PPP2R3B: variants seen among roughly 807,000 people sequenced by gnomAD.
PPP2R3B encodes serine/threonine-protein phosphatase 2A regulatory subunit B'' subunit beta.
In PPP2R3B, 68 loss-of-function variants were observed where a neutral mutation model predicts 72.9. The ratio of observed to expected loss-of-function variants is 0.93; its 90% CI spans 0.77 to 1.14. The LOEUF (loss-of-function observed/expected upper bound fraction) is 1.14. Among genes scored for constraint, PPP2R3B ranks in the 50% most tolerant of loss-of-function variants. The pLI is 0.00. For missense variants in PPP2R3B, 1,018 were observed against 842.0 expected (o/e 1.21, Z -2.59); for synonymous variants, 466 against 375.8 (o/e 1.24, Z -2.78).
At chrX:376,521 A>G (rs1344778885) in intron 1 of PPP2R3B, among the ~76,000 whole-genome samples, 5 of 148,188 alleles carry the variant, frequency 3.4e-5, no homozygotes, top group Non-Finnish European at 1.5e-5. Flanking sequence ...TACTGTATGC[A>G]GGGACGGGCC....
intron 12 of PPP2R3B, chrX:336,322 G>A (rs760320814): frequency 1.1e-4 from 17 of 152,350 alleles, no homozygotes; most frequent in African/African-American, 3.6e-4. Flanking sequence ...GAGGAACCAC[G>A]GAGCGAAAGC....
At chrX:362,866 C>A (rs1218283831) in intron 1 of PPP2R3B, among the ~76,000 whole-genome samples, 1 of 151,940 alleles carries the variant, frequency 6.6e-6, no homozygotes, top group East Asian at 1.9e-4. Context: ...CCTGCTACTG[C>A]CACAGTATCC....
intron 1 of PPP2R3B, among the ~76,000 whole-genome samples, chrX:367,968 C>T (rs562287330): frequency 7.9e-5 from 12 of 152,336 alleles, no homozygotes; most frequent in African/African-American, 2.9e-4. Flanking sequence ...CACCAAGGAA[C>T]GCTGAAGAGG....
chrX:346,780 G>T lies in PPP2R3B; in HGVS notation c.718-5C>A. 6.2e-7 allele frequency: 1 copy of T among 1,608,366 alleles called. No homozygotes were observed. The highest frequency in any genetic ancestry group is 1.1e-5 in the South Asian group (1 of 90,736). On this transcript the variant is annotated splice_region_variant and splice_polypyrimidine_tract_variant and intron_variant, in intron 4 of 12. Transcript: ENST00000390665. ...CGGGTGCGTGTTCACCACGTCCTGC[G>T]GGTGGGAAGACACGAGGCGCGTGGT...
chrX:358,298 C>T (rs1203994549), intron 2 of PPP2R3B, among the ~76,000 whole-genome samples: 2 of 152,188 alleles, frequency 1.3e-5, no homozygotes. Flanking sequence ...CCCCCACACA[C>T]GCGGGACGCT....
chrX:348,143 G>A (rs1312420132), intron 2 of PPP2R3B, among the ~76,000 whole-genome samples: 2 of 152,136 alleles, frequency 1.3e-5, no homozygotes, highest in Non-Finnish European at 2.9e-5. Flanking sequence ...CACGCGTGAG[G>A]AAGGAAAGTT....
At position 346,239 on chromosome X, in the gene PPP2R3B, C is replaced by T; in HGVS notation, c.814G>A (p.Ala272Thr). Residue 272 changes from alanine to threonine, a missense_variant, in exon 6 of 13, where the codon GCC becomes ACC. Coordinates refer to ENST00000390665, the MANE Select transcript of PPP2R3B (RefSeq NM_013239.5). ...CTGCCGGACCAGGACCGGTTCACGG[C>T]GTAGAAGATCCGCTGGATGACCTGC... ...ITTVIQRIFY[A>T]VNRSWSGRIT... 7 of 1,571,342 alleles carry T rather than the reference C, an allele frequency of 4.5e-6. No individual in the cohort carries two copies. The highest frequency in any genetic ancestry group is 2.1e-4 in the Middle Eastern group (1 of 4,654).
At position 338,721 on chromosome X, in the gene PPP2R3B, C is replaced by T. The variant is rs1294391185; in HGVS notation, c.1471-11G>A. 1 of 1,611,786 alleles carries T rather than the reference C, an allele frequency of 6.2e-7. No individual in the cohort carries two copies. The highest frequency in any genetic ancestry group is 8.5e-7 in the Non-Finnish European group (1 of 1,179,492). On this transcript the variant is annotated splice_polypyrimidine_tract_variant and intron_variant, in intron 11 of 12. Coordinates refer to ENST00000390665, the MANE Select transcript of PPP2R3B (RefSeq NM_013239.5). The stretch of plus-strand genomic sequence containing the variant: ...GCCGCTGTCACCGTCCTGGAGGAAG[C>T]ACACGGGTTACGTACACGGCGTGGC...
At chrX:363,519 A>G (rs2071599569) in intron 1 of PPP2R3B, among the ~76,000 whole-genome samples, 1 of 142,094 alleles carries the variant, frequency 7.0e-6, no homozygotes, top group Non-Finnish European at 1.5e-5. Context: ...CGAGCCCGCG[A>G]TCCCGCAGTG....
At chrX:385,662 G>T (rs1487996940) in intron 1 of PPP2R3B, among the ~76,000 whole-genome samples, 2 of 152,152 alleles carry the variant, frequency 1.3e-5, no homozygotes, top group Non-Finnish European at 2.9e-5. Flanking sequence ...TTAGCCTGGC[G>T]TGATGGTGCA....
intron 2 of PPP2R3B, among the ~76,000 whole-genome samples, chrX:351,957 A>G (rs958113102): frequency 6.6e-6 from 1 of 152,130 alleles, no homozygotes; most frequent in Non-Finnish European, 1.5e-5. Context: ...GGCCTCTCAA[A>G]GTGCTGGGAC....
intron 8 of PPP2R3B, 130 bp from the exon 9 acceptor site, chrX:341,526 C>CCCCCCTCCTG: frequency 1.1e-6 from 1 of 876,216 alleles, no homozygotes. Context: ...CCCCCTCCTG[C>CCCCCCTCCTG]CCCTCCTCCT....
At chrX:359,829 T>A in intron 2 of PPP2R3B, 2 of 514,424 alleles carry the variant, frequency 3.9e-6, no homozygotes, top group South Asian at 2.8e-5. Flanking sequence ...ACCAAAGCTA[T>A]GGAAACTATT....
At chrX:367,739 C>T (rs1409558814) in intron 1 of PPP2R3B, among the ~76,000 whole-genome samples, 1 of 152,164 alleles carries the variant, frequency 6.6e-6, no homozygotes, top group Admixed American at 6.5e-5. Flanking sequence ...GCTCTAGTTA[C>T]AAGACAAAGG....
chrX:346,170 G>T lies in PPP2R3B; in HGVS notation c.879+4C>A. The T allele has an allele frequency of 1.3e-6, 2 of 1,552,468 alleles. No individual in the cohort carries two copies. The highest frequency in any genetic ancestry group is 1.7e-6 in the Non-Finnish European group (2 of 1,151,660). ...GGGGCAGGGGACAGGGGGCCGCTCCGCACCTGCAGGAAGGAGCTCCTCCGC... is the reference window on the plus strand; with the variant it reads ...GGGGCAGGGGACAGGGGGCCGCTCCTCACCTGCAGGAAGGAGCTCCTCCGC... On this transcript the variant is annotated splice_donor_region_variant and intron_variant, in intron 6 of 12. Transcript: ENST00000390665.
In PPP2R3B at chrX:356,179, C is replaced by T. The variant is rs1240709491; in HGVS notation, c.510+5226G>A. On this transcript the variant is annotated intron_variant, in intron 2 of 12. Coordinates refer to ENST00000390665, the MANE Select transcript of PPP2R3B (RefSeq NM_013239.5). ...GGGTCAACGCTGCTGCCTGGAAATG[C>T]GTCACTCAGGGCCACCCCGGAAGCA... Among the ~76,000 whole-genome samples, 32 of 152,292 alleles carry T rather than the reference C, an allele frequency of 2.1e-4. 1 individual carries two copies. The highest frequency in any genetic ancestry group is 1.4e-3 in the East Asian group (7 of 5,180).
intron 9 of PPP2R3B, 22 bp downstream of exon 9, chrX:341,285 G>C: frequency 1.2e-6 from 2 of 1,608,044 alleles, no homozygotes; most frequent in Middle Eastern, 1.7e-4. Context: ...TGGGACAAAC[G>C]CATGCCGCAG....
chrX:364,861 C>A (rs1388645505), intron 1 of PPP2R3B, among the ~76,000 whole-genome samples: 1 of 26,064 alleles, frequency 3.8e-5, no homozygotes, highest in Non-Finnish European at 6.1e-5. Flanking sequence ...CCAGCCTGGG[C>A]GACAGAGTGA....
At chrX:353,856 G>A (rs191084483) in intron 2 of PPP2R3B, among the ~76,000 whole-genome samples, 48 of 109,802 alleles carry the variant, frequency 4.4e-4, no homozygotes, top group Admixed American at 2.1e-3. Context: ...CCCAGGGACC[G>A]GGGGCTCACC....
Sources: gnomAD v4.1 joint callset for allele counts (sites outside exome capture counted in the v4.1 genomes callset) on GRCh38, gnomAD v4.1.1 for gene constraint, MANE v1.5 for transcripts, NCBI Gene and HGNC (gene_info 2026-07-23, HGNC 2026-07-21) for gene names.